Variants in GALK2 observed in about 807,000 individuals in gnomAD.
The protein encoded by GALK2 is galactokinase 2.
In GALK2, 36 loss-of-function variants were observed where a neutral mutation model predicts 52.4. The observed-to-expected ratio is 0.69, with a 90% CI of 0.53 to 0.91. GALK2 has a LOEUF of 0.91. Among genes scored for constraint, GALK2 ranks in the 40% least tolerant of loss-of-function variants. The pLI is 0.00. For synonymous variants in GALK2, 176 were observed against 199.1 expected, an observed-to-expected ratio of 0.88 and a Z score of 0.98; for missense variants, 579 against 559.1, an observed-to-expected ratio of 1.04 and a Z score of -0.36.
chr15:49,352,679 C>T (rs1489489418), intron 3 of GALK2, among the ~76,000 whole-genome samples: 1 of 152,154 alleles, frequency 6.6e-6, no homozygotes, highest in South Asian at 2.1e-4. Context: ...ACATCCTTTT[C>T]CCTAAAGATA....
intron 3 of GALK2, among the ~76,000 whole-genome samples, chr15:49,226,899 T>TTGTAATAAAAAGA (rs1438822926): frequency 6.6e-6 from 1 of 152,264 alleles, no homozygotes; most frequent in African/African-American, 2.4e-5. Flanking sequence ...CACAAGTTCC[T>TTGTAATAAAAAGA]CTTTTTATTA....
chr15:49,210,866 C>T lies in GALK2; in HGVS notation c.143-6324C>T, dbSNP rs533762697. Among the ~76,000 whole-genome samples the T allele has an allele frequency of 1.5e-3, 231 of 151,996 alleles. 1 individual carries two copies. The highest frequency in any genetic ancestry group is 3.7e-3 in the Admixed American group (57 of 15,286). On this transcript the variant is annotated intron_variant, in intron 2 of 9. Transcript: ENST00000560031. ...GACTCAAGTGATTCTTGTGCTTCAG[C>T]GTCCTGAGTAGCTGGGATTACAGGC...
At chr15:49,276,202 T>A (rs539944255) in intron 5 of GALK2, among the ~76,000 whole-genome samples, 1 of 152,328 alleles carries the variant, frequency 6.6e-6, no homozygotes, top group African/African-American at 2.4e-5. Flanking sequence ...TCCCTGGGTT[T>A]CTTGTGGTGC....
intron 2 of GALK2, among the ~76,000 whole-genome samples, chr15:49,214,091 G>A (rs1595695551): frequency 6.6e-6 from 1 of 152,072 alleles, no homozygotes; most frequent in Non-Finnish European, 1.5e-5. Context: ...CTGCACTCCA[G>A]CCTGGGCGAC....
intron 5 of GALK2, among the ~76,000 whole-genome samples, chr15:49,277,145 T>A (rs2031887467): frequency 7.1e-4 from 1 of 1,406 alleles, no homozygotes; most frequent in Non-Finnish European, 2.0e-3. Flanking sequence ...GTATTTTTTT[T>A]TTTTTTTTTT....
chr15:49,367,554 C>G (rs1466160135), exon 4 of GALK2: 2 of 1,605,140 alleles, frequency 1.2e-6, no homozygotes. Context: ...GGACTCTGAC[C>G]TCCAAAATTG....
At chr15:49,233,155 G>A (rs1223023558) in intron 3 of GALK2, among the ~76,000 whole-genome samples, 1 of 152,178 alleles carries the variant, frequency 6.6e-6, no homozygotes, top group African/African-American at 2.4e-5. Context: ...TTCTACAGGT[G>A]TACAGGAAGC....
intron 3 of GALK2, among the ~76,000 whole-genome samples, chr15:49,354,452 G>A (rs988956150): frequency 6.6e-6 from 1 of 152,232 alleles, no homozygotes; most frequent in African/African-American, 2.4e-5. Flanking sequence ...AGGGGTCAGG[G>A]AGTTCCCTTT....
At position 49,257,525 on chromosome 15, in the gene GALK2, G is replaced by T. The variant is rs187247624; in HGVS notation, c.504+18158G>T. 3.0e-3 allele frequency among the ~76,000 whole-genome samples: 453 copies of T among 152,274 alleles called. 5 individuals carry two copies. The highest frequency in any genetic ancestry group is 0.01 in the African/African-American group (429 of 41,554). On this transcript the variant is annotated intron_variant, in intron 5 of 9. Transcript: ENST00000560031. Reference sequence around the variant, plus strand: ...ATCCCTGATTGTATTCTCCTTTAGTGTAAAGAATAGGCATTACATAGCTAT... The same window carrying T: ...ATCCCTGATTGTATTCTCCTTTAGTTTAAAGAATAGGCATTACATAGCTAT...
chr15:49,176,723 T>A (rs1248417119), intron 1 of GALK2, among the ~76,000 whole-genome samples: 2 of 152,146 alleles, frequency 1.3e-5, no homozygotes, highest in Admixed American at 6.6e-5. Flanking sequence ...ATTACTGCAT[T>A]AAATTTACCG....
intron 5 of GALK2, among the ~76,000 whole-genome samples, chr15:49,274,832 T>C (rs564277916): frequency 6.6e-6 from 1 of 152,308 alleles, no homozygotes; most frequent in South Asian, 2.1e-4. Context: ...TCAATATCAC[T>C]GTGTTCCACC....
intron 2 of GALK2, among the ~76,000 whole-genome samples, chr15:49,203,872 T>C (rs1198072345): frequency 6.6e-6 from 1 of 152,174 alleles, no homozygotes; most frequent in African/African-American, 2.4e-5. Flanking sequence ...CCCAGCACTT[T>C]AGGAAGCCGA....
At chr15:49,273,051 C>T (rs1367205952) in intron 5 of GALK2, among the ~76,000 whole-genome samples, 2 of 152,212 alleles carry the variant, frequency 1.3e-5, no homozygotes, top group Admixed American at 6.5e-5. Flanking sequence ...CATTAGATCA[C>T]GTTCTCTCCA....
At chr15:49,260,835 A>T (rs1017238504) in intron 5 of GALK2, among the ~76,000 whole-genome samples, 1 of 152,028 alleles carries the variant, frequency 6.6e-6, no homozygotes, top group Non-Finnish European at 1.5e-5. Context: ...TCCTTTCCCC[A>T]TTGCTTGTTT....
chr15:49,233,788 G>A (rs866638420), intron 3 of GALK2, among the ~76,000 whole-genome samples: 2 of 152,086 alleles, frequency 1.3e-5, no homozygotes, highest in Admixed American at 6.5e-5. Context: ...CCAGGAAGAC[G>A]TCCTCTCTCT....
chr15:49,271,082 G>C (rs970453462), intron 5 of GALK2, among the ~76,000 whole-genome samples: 8 of 152,054 alleles, frequency 5.3e-5, no homozygotes, highest in African/African-American at 1.9e-4. Flanking sequence ...TAAGCCTGCC[G>C]CCCATCCATT....
chr15:49,338,185 G>A (rs1255967317), intron 3 of GALK2, among the ~76,000 whole-genome samples: 3 of 152,242 alleles, frequency 2.0e-5, no homozygotes, highest in South Asian at 2.1e-4. Flanking sequence ...GATGCTATCT[G>A]GTTGTTTTGC....
intron 8 of GALK2, among the ~76,000 whole-genome samples, chr15:49,311,878 A>G (rs1023497306): frequency 6.6e-6 from 1 of 152,220 alleles, no homozygotes; most frequent in Non-Finnish European, 1.5e-5. Context: ...GAATGGGTCA[A>G]TGCCCCAGGC....
At chr15:49,172,647 G>A (rs3098613) in intron 1 of GALK2, among the ~76,000 whole-genome samples, 89,371 of 151,910 alleles carry the variant, frequency 0.59, 26,434 homozygotes, top group Middle Eastern at 0.66. Flanking sequence ...TAAAGGCACT[G>A]GTCAACCATA....
Sources: gnomAD v4.1 joint callset for allele counts (sites outside exome capture counted in the v4.1 genomes callset) on GRCh38, gnomAD v4.1.1 for gene constraint, MANE v1.5 for transcripts, NCBI Gene and HGNC (gene_info 2026-07-23, HGNC 2026-07-21) for gene names.